ALMS1: variants seen among roughly 807,000 people sequenced by gnomAD.
The protein encoded by ALMS1 is ALMS1 centrosome and basal body associated protein.
In ALMS1, 271 loss-of-function variants were observed where a neutral mutation model predicts 352.2. That is an observed-to-expected ratio of 0.77 (90% CI 0.70 to 0.85). The LOEUF is 0.85. Ranked by LOEUF, ALMS1 falls within the 40% of genes least tolerant of loss-of-function variation. The pLI, the probability that ALMS1 is intolerant of heterozygous loss-of-function variation, is 0.00. For synonymous variants in ALMS1, 1,865 were observed against 1,761.2 expected (o/e 1.06, Z -1.48); for missense variants, 5,445 against 4,870.7 (o/e 1.12, Z -3.51).
intron 15 of ALMS1, among the ~76,000 whole-genome samples, chr2:73,560,329 A>T (rs1674630596): frequency 6.6e-6 from 1 of 152,228 alleles, no homozygotes; most frequent in Non-Finnish European, 1.5e-5. Context: ...AGAGATGCAA[A>T]TCAAAACCAC....
At chr2:73,569,692 A>G (rs1282114133) in intron 15 of ALMS1, among the ~76,000 whole-genome samples, 1 of 152,218 alleles carries the variant, frequency 6.6e-6, no homozygotes, top group Non-Finnish European at 1.5e-5. Flanking sequence ...GAAATAAGCC[A>G]TACATACTGA....
At chr2:73,404,468 CTTT>C (rs879605119) in intron 1 of ALMS1, among the ~76,000 whole-genome samples, 1 of 139,898 alleles carries the variant, frequency 7.1e-6, no homozygotes, top group Non-Finnish European at 1.6e-5. Context: ...AGTCTGTTGA[CTTT>C]TTTTTTTTTT....
In ALMS1 at chr2:73,580,006, A is replaced by T. The variant is rs543792111; in HGVS notation, c.11547+6582A>T. Among the ~76,000 whole-genome samples, 11 of 152,228 alleles carry T rather than the reference A, an allele frequency of 7.2e-5. No individual in the cohort carries two copies. In the East Asian group the frequency reaches 1.7e-3, roughly 24 times the overall value. ...TCTCTCTTCTTTTGGGATTCCTAATATGCATCTGTTGGTAAGTTTGATGGT... is the reference window on the plus strand; with the variant it reads ...TCTCTCTTCTTTTGGGATTCCTAATTTGCATCTGTTGGTAAGTTTGATGGT... On this transcript the variant is annotated intron_variant, in intron 16 of 22. Coordinates refer to ENST00000613296, the MANE Select transcript of ALMS1 (RefSeq NM_001378454.1).
chr2:73,601,522 G>A, intron 19 of ALMS1, 86 bp downstream of exon 19: 1 of 1,558,916 alleles, frequency 6.4e-7, no homozygotes, highest in Non-Finnish European at 8.7e-7. Flanking sequence ...GACTTGGTGA[G>A]CTGAGGTGTA....
At position 73,572,815 on chromosome 2, in the gene ALMS1, C is replaced by G. The variant is rs1356217795; in HGVS notation, c.10938C>G (p.Val3646=). Reference sequence around the variant, plus strand: ...ATCCAATCACACATTCTCTCCAGGTCTCAGAAAGTACACATGATGATAGCA... The same window carrying G: ...ATCCAATCACACATTCTCTCCAGGTGTCAGAAAGTACACATGATGATAGCA... ...LQNPITHSLQ[V]SESTHDDSRG... The change falls in exon 16 of 23, where the codon GTC becomes GTG. Residue 3646 remains valine (V), a synonymous_variant. Coordinates refer to ENST00000613296, the MANE Select transcript of ALMS1 (RefSeq NM_001378454.1). 6.2e-7 allele frequency: 1 copy of G among 1,613,846 alleles called. No individual in the cohort carries two copies. Among genetic ancestry groups the G allele is most frequent in the Admixed American group, 1.7e-5 (1 of 59,964 alleles).
At chr2:73,429,368 A>G (rs1443936150) in intron 6 of ALMS1, among the ~76,000 whole-genome samples, 2 of 141,896 alleles carry the variant, frequency 1.4e-5, no homozygotes, top group East Asian at 2.0e-4. Flanking sequence ...TGCAACCTCC[A>G]TCTCCTGGGT....
At chr2:73,515,254 TC>T (rs1673531489) in intron 10 of ALMS1, among the ~76,000 whole-genome samples, 1 of 152,314 alleles carries the variant, frequency 6.6e-6, no homozygotes, top group African/African-American at 2.4e-5. Flanking sequence ...AATATTCATT[TC>T]TTTTTTTAAT....
At chr2:73,521,918 G>T (rs1034671859) in intron 11 of ALMS1, among the ~76,000 whole-genome samples, 3 of 152,126 alleles carry the variant, frequency 2.0e-5, no homozygotes, top group African/African-American at 7.2e-5. Context: ...AATTTTATGA[G>T]GTGTTTTTTT....
At chr2:73,393,153 T>C (rs1398051142) in intron 1 of ALMS1, among the ~76,000 whole-genome samples, 1 of 152,204 alleles carries the variant, frequency 6.6e-6, no homozygotes, top group Non-Finnish European at 1.5e-5. Flanking sequence ...TATTTACTAT[T>C]GGATTGTAAG....
intron 6 of ALMS1, among the ~76,000 whole-genome samples, chr2:73,428,688 A>G (rs565825244): frequency 1.5e-4 from 23 of 152,326 alleles, no homozygotes; most frequent in African/African-American, 5.1e-4. Context: ...CAATCTAAGG[A>G]AGATGCTATT....
chr2:73,503,804 A>G (rs1048984448), intron 10 of ALMS1, among the ~76,000 whole-genome samples: 2 of 152,140 alleles, frequency 1.3e-5, no homozygotes, highest in Non-Finnish European at 2.9e-5. Context: ...TTATCATTTT[A>G]AAACTCAATA....
intron 9 of ALMS1, among the ~76,000 whole-genome samples, chr2:73,471,477 C>A (rs1457488683): frequency 1.7e-5 from 2 of 119,146 alleles, no homozygotes; most frequent in Non-Finnish European, 3.3e-5. Flanking sequence ...ATAAGGAACA[C>A]CTGCAACTCA....
At chr2:73,484,234 G>T (rs1672777212) in intron 9 of ALMS1, among the ~76,000 whole-genome samples, 1 of 151,810 alleles carries the variant, frequency 6.6e-6, no homozygotes, top group African/African-American at 2.4e-5. Flanking sequence ...TCCATGTTTA[G>T]TGCTTCCTTC....
intron 10 of ALMS1, among the ~76,000 whole-genome samples, chr2:73,511,704 T>A (rs575885565): frequency 1.3e-5 from 2 of 152,250 alleles, no homozygotes; most frequent in East Asian, 3.9e-4. Context: ...CTAGGAGTGA[T>A]TTTACCTCTC....
intron 16 of ALMS1, among the ~76,000 whole-genome samples, chr2:73,576,096 C>T (rs1278567372): frequency 6.6e-6 from 1 of 152,090 alleles, no homozygotes; most frequent in Non-Finnish European, 1.5e-5. Flanking sequence ...ATTGAATGTT[C>T]TTGGCACTCT....
chr2:73,406,441 T>G (rs1442122387), intron 1 of ALMS1, among the ~76,000 whole-genome samples: 3 of 151,626 alleles, frequency 2.0e-5, no homozygotes, highest in Non-Finnish European at 2.9e-5. Flanking sequence ...TATGGGTTTT[T>G]TTTTTTTTTT....
intron 7 of ALMS1, 135 bp downstream of exon 7, chr2:73,432,426 C>T (rs1189389585): frequency 1.7e-5 from 11 of 646,066 alleles, no homozygotes; most frequent in Non-Finnish European, 8.2e-6. Flanking sequence ...TTTATAAATC[C>T]TGTCTTAGTC....
Position 73,400,988 on chromosome 2 carries a change from C to G in ALMS1, c.325-7634C>G, listed in dbSNP as rs563148604. 6.8e-4 allele frequency among the ~76,000 whole-genome samples: 103 copies of G among 152,142 alleles called. 2 individuals carry two copies. The highest frequency in any genetic ancestry group is 1.1e-3 in the Non-Finnish European group (74 of 67,950). On this transcript the variant is annotated intron_variant, in intron 1 of 22. Coordinates refer to ENST00000613296, the MANE Select transcript of ALMS1 (RefSeq NM_001378454.1). Reference sequence around the variant, plus strand: ...TTTTAGTAGATTTAGGGTTTCGCCACTTTGGCCAGGCTGGTCTCAAACTCC... The same window carrying G: ...TTTTAGTAGATTTAGGGTTTCGCCAGTTTGGCCAGGCTGGTCTCAAACTCC...
intron 21 of ALMS1, among the ~76,000 whole-genome samples, chr2:73,607,278 A>G (rs909424675): frequency 5.3e-5 from 8 of 152,230 alleles, no homozygotes; most frequent in Non-Finnish European, 2.9e-5. Context: ...TTTGTTTGGT[A>G]TACATGAAAC....
Sources: gnomAD v4.1 joint callset for allele counts (sites outside exome capture counted in the v4.1 genomes callset) on GRCh38, gnomAD v4.1.1 for gene constraint, MANE v1.5 for transcripts, NCBI Gene and HGNC (gene_info 2026-07-23, HGNC 2026-07-21) for gene names.